The following NEDD4 variants were observed in gnomAD, a reference collection of about 807,000 sequenced individuals.
The protein encoded by NEDD4 is E3 ubiquitin-protein ligase NEDD4.
In NEDD4, 99 loss-of-function variants were observed where a neutral mutation model predicts 144.9. The ratio of observed to expected loss-of-function variants is 0.68; its 90% CI spans 0.58 to 0.81. NEDD4 has a LOEUF of 0.81. NEDD4 is among the 30% of genes least tolerant of loss of function. The pLI is 0.00. For missense variants in NEDD4, 985 were observed against 1,065.9 expected, an observed-to-expected ratio of 0.92 and a Z score of 1.06; for synonymous variants, 318 against 350.6, an observed-to-expected ratio of 0.91 and a Z score of 1.04.
intron 1 of NEDD4, among the ~76,000 whole-genome samples, chr15:55,985,505 G>A (rs2037875775): frequency 6.6e-6 from 1 of 152,210 alleles, no homozygotes; most frequent in Non-Finnish European, 1.5e-5. Context: ...TGAAGTGGCA[G>A]AGGAGATGTC....
At chr15:55,925,473 T>C (rs1340662429) in intron 4 of NEDD4, among the ~76,000 whole-genome samples, 7 of 152,210 alleles carry the variant, frequency 4.6e-5, no homozygotes, top group East Asian at 1.9e-4. Context: ...ATAAAGTACA[T>C]AGCAGTCAAA....
chr15:55,861,421 C>T (rs1001719786), intron 9 of NEDD4, among the ~76,000 whole-genome samples: 18 of 151,748 alleles, frequency 1.2e-4, no homozygotes, highest in Admixed American at 2.0e-4. Context: ...TCAGATTGGA[C>T]GGTTAATGAG....
chr15:55,870,695 G>A (rs537141684), intron 7 of NEDD4, among the ~76,000 whole-genome samples: 17 of 151,826 alleles, frequency 1.1e-4, no homozygotes, highest in Non-Finnish European at 1.8e-4. Context: ...TGCCATGCCC[G>A]GTTAATTTTT....
chr15:55,992,234 G>A (rs540266303), intron 1 of NEDD4, among the ~76,000 whole-genome samples: 31 of 152,318 alleles, frequency 2.0e-4, no homozygotes, highest in African/African-American at 7.5e-4. Context: ...GTTTCTGAGG[G>A]ACTATGAGCC....
chr15:55,873,927 CA>C, intron 6 of NEDD4, 30 bp downstream of exon 6: 2 of 1,361,566 alleles, frequency 1.5e-6, no homozygotes, highest in Non-Finnish European at 2.0e-6. Flanking sequence ...AAAATAAGCC[CA>C]AAAGGAAAAT....
chr15:55,969,902 T>A (rs1344656665), intron 1 of NEDD4, among the ~76,000 whole-genome samples: 5 of 151,352 alleles, frequency 3.3e-5, no homozygotes, highest in African/African-American at 9.7e-5. Flanking sequence ...AAAAAAAAAT[T>A]GTCTGCAACT....
chr15:55,992,881 A>T (rs1258661958), intron 1 of NEDD4, among the ~76,000 whole-genome samples: 1 of 152,190 alleles, frequency 6.6e-6, no homozygotes, highest in Non-Finnish European at 1.5e-5. Flanking sequence ...TTTTAACATC[A>T]ACGACGACCG....
chr15:55,848,475 A>G (rs1566907661), intron 16 of NEDD4, 45 bp from the exon 17 acceptor site: 1 of 1,612,712 alleles, frequency 6.2e-7, no homozygotes, highest in East Asian at 2.2e-5. Context: ...TCACACATAA[A>G]ATTTATTACA....
intron 1 of NEDD4, among the ~76,000 whole-genome samples, chr15:55,985,504 AGAG>A: frequency 6.6e-6 from 1 of 152,344 alleles, no homozygotes; most frequent in South Asian, 2.1e-4. Flanking sequence ...CTGAAGTGGC[AGAG>A]GAGATGTCTG....
At chr15:55,837,462 C>A (rs1418527495) in intron 24 of NEDD4, among the ~76,000 whole-genome samples, 1 of 150,060 alleles carries the variant, frequency 6.7e-6, no homozygotes, top group East Asian at 1.9e-4. Flanking sequence ...GAAAGTAAGT[C>A]ACAAAACAAA....
At chr15:55,896,827 T>C (rs1035074816) in intron 5 of NEDD4, among the ~76,000 whole-genome samples, 2 of 152,170 alleles carry the variant, frequency 1.3e-5, no homozygotes, top group Non-Finnish European at 2.9e-5. Flanking sequence ...TTCTTTGTTA[T>C]AGCCCAATGT....
At chr15:55,830,414 C>A in intron 28 of NEDD4, 100 bp downstream of exon 28, 1 of 1,049,712 alleles carries the variant, frequency 9.5e-7, no homozygotes, top group East Asian at 2.4e-5. Context: ...ATACCTGCCA[C>A]CGACATAACA....
At chr15:55,988,486 T>TAAAAAA in intron 1 of NEDD4, among the ~76,000 whole-genome samples, 1 of 32,886 alleles carries the variant, frequency 3.0e-5, no homozygotes, top group Non-Finnish European at 7.4e-5. Flanking sequence ...AAAAAAAAAA[T>TAAAAAA]TAAAAAAAAA....
intron 5 of NEDD4, among the ~76,000 whole-genome samples, chr15:55,903,434 T>C (rs559484042): frequency 1.6e-4 from 24 of 152,334 alleles, no homozygotes; most frequent in African/African-American, 5.5e-4. Context: ...ATTTCTAATA[T>C]GGAGATATAA....
intron 2 of NEDD4, among the ~76,000 whole-genome samples, chr15:55,957,608 G>C (rs1014536967): frequency 7.2e-5 from 11 of 152,154 alleles, no homozygotes; most frequent in South Asian, 2.1e-4. Flanking sequence ...TTGACCCAGC[G>C]ATCCCATTAC....
At chr15:55,915,362 A>G (rs752228130) in intron 5 of NEDD4, 4 of 1,613,334 alleles carry the variant, frequency 2.5e-6, no homozygotes, top group Non-Finnish European at 3.4e-6. Context: ...CTTCATTTCC[A>G]GATGCAAACT....
At chr15:55,967,050 A>G (rs917365511) in intron 1 of NEDD4, among the ~76,000 whole-genome samples, 2 of 151,444 alleles carry the variant, frequency 1.3e-5, no homozygotes, top group Middle Eastern at 3.4e-3. Flanking sequence ...CCATGCCCAG[A>G]TAATTTTTCT....
At chr15:55,978,535 G>C (rs2037743169) in intron 1 of NEDD4, among the ~76,000 whole-genome samples, 1 of 152,092 alleles carries the variant, frequency 6.6e-6, no homozygotes, top group Non-Finnish European at 1.5e-5. Context: ...AATAATTTTA[G>C]AATTCTGATC....
rs185177568 is a variant in NEDD4 at position 55,993,308 on chromosome 15, G to A, written c.45+203C>T. 3.8e-3 allele frequency among the ~76,000 whole-genome samples: 572 copies of A among 152,252 alleles called. 17 individuals carry two copies. The highest frequency in any genetic ancestry group is 0.035 in the Admixed American group (533 of 15,310). On this transcript the variant is annotated intron_variant, in intron 1 of 28. Transcript: ENST00000435532. Reference sequence around the variant, plus strand: ...GGGCGGGTGTGGACCCGACAAGCTTGCTCCCTCCAGCGAGCCCCCAGCGCC... The same window carrying A: ...GGGCGGGTGTGGACCCGACAAGCTTACTCCCTCCAGCGAGCCCCCAGCGCC...
Sources: allele counts gnomAD v4.1 joint callset (sites outside exome capture counted in the v4.1 genomes callset), GRCh38; gene constraint gnomAD v4.1.1; transcripts MANE v1.5; gene names NCBI Gene and HGNC (gene_info 2026-07-23, HGNC 2026-07-21).